The following SLIT3 variants were observed in gnomAD, a reference collection of about 807,000 sequenced individuals.
SLIT3 encodes slit homolog 3 protein.
SLIT3 carries 68 observed loss-of-function variants against 184.0 expected under a neutral mutation model. That is an observed-to-expected ratio of 0.37 (90% CI 0.30 to 0.45). The LOEUF (loss-of-function observed/expected upper bound fraction) is 0.45, where lower values mean the gene tolerates loss of function less well. Ranked by LOEUF, SLIT3 falls within the 20% of genes least tolerant of loss-of-function variation. The pLI, the probability that SLIT3 is intolerant of heterozygous loss-of-function variation, is 1.00. For missense variants in SLIT3, 1,707 were observed against 2,026.0 expected, an observed-to-expected ratio of 0.84 and a Z score of 3.02; for synonymous variants, 831 against 828.6, an observed-to-expected ratio of 1.00 and a Z score of -0.05.
At chr5:168,746,341 TG>T (rs1222097635) in intron 20 of SLIT3, among the ~76,000 whole-genome samples, 27 of 103,178 alleles carry the variant, frequency 2.6e-4, no homozygotes, top group African/African-American at 1.0e-3. Context: ...GTGAGTGTGG[TG>T]GTGTGGGTGT....
At chr5:168,838,902 G>A (rs62378535) in intron 6 of SLIT3, among the ~76,000 whole-genome samples, 6,484 of 152,158 alleles carry the variant, frequency 0.043, 270 homozygotes, top group African/African-American at 0.1. Context: ...CTCTCTAAAC[G>A]TGGGCTTGGT....
At chr5:169,191,244 T>A (rs1050169078) in intron 4 of SLIT3, among the ~76,000 whole-genome samples, 2 of 152,310 alleles carry the variant, frequency 1.3e-5, no homozygotes, top group Admixed American at 6.5e-5. Flanking sequence ...CATTTATTCA[T>A]CTAACCATTC....
intron 4 of SLIT3, among the ~76,000 whole-genome samples, chr5:169,015,100 G>A (rs1432769529): frequency 7.3e-6 from 1 of 137,856 alleles, no homozygotes; most frequent in East Asian, 2.8e-4. Flanking sequence ...CCAACTAACT[G>A]GACAAAAAAA....
intron 1 of SLIT3, among the ~76,000 whole-genome samples, chr5:169,268,173 G>A (rs1766463389): frequency 6.6e-6 from 1 of 152,192 alleles, no homozygotes; most frequent in Non-Finnish European, 1.5e-5. Flanking sequence ...GAAGGATGAT[G>A]CGAAGTAATC....
At chr5:168,991,404 G>A (rs1755322558) in intron 4 of SLIT3, among the ~76,000 whole-genome samples, 1 of 152,230 alleles carries the variant, frequency 6.6e-6, no homozygotes, top group South Asian at 2.1e-4. Flanking sequence ...GCCTGGCTGG[G>A]AAGCAGGTGG....
chr5:169,042,118 G>A (rs1004340229), intron 4 of SLIT3, among the ~76,000 whole-genome samples: 8 of 152,172 alleles, frequency 5.3e-5, no homozygotes, highest in African/African-American at 1.9e-4. Context: ...GGATATCGTA[G>A]AACGGTCCAG....
At chr5:168,844,542 C>T (rs1264824528) in intron 6 of SLIT3, 42 bp downstream of exon 6, 1 of 1,575,214 alleles carries the variant, frequency 6.3e-7, no homozygotes, top group East Asian at 2.2e-5. Flanking sequence ...CATACACACA[C>T]ATGCACGCAC....
intron 20 of SLIT3, among the ~76,000 whole-genome samples, chr5:168,728,845 A>ACC (rs955430559): frequency 1.3e-5 from 2 of 151,826 alleles, no homozygotes; most frequent in Non-Finnish European, 2.9e-5. Flanking sequence ...ATGAGCCTGG[A>ACC]AGGTCAAGGC....
At chr5:169,172,968 G>T (rs530679699) in intron 4 of SLIT3, among the ~76,000 whole-genome samples, 12 of 152,102 alleles carry the variant, frequency 7.9e-5, no homozygotes, top group Admixed American at 3.3e-4. Flanking sequence ...GAGGTGGAGA[G>T]ATGAGCAATG....
At chr5:168,722,405 A>G in intron 22 of SLIT3, 78 bp from the exon 23 acceptor site, 1 of 1,266,956 alleles carries the variant, frequency 7.9e-7, no homozygotes. Context: ...ACGTTGTGAA[A>G]CAAAGCAAAT....
At chr5:168,844,467 A>C (rs1758380171) in intron 6 of SLIT3, 117 bp downstream of exon 6, 1 of 885,350 alleles carries the variant, frequency 1.1e-6, no homozygotes, top group Non-Finnish European at 1.8e-6. Context: ...GAGACCAGAA[A>C]TGCATTCACA....
At chr5:168,962,706 C>T (rs1159669038) in intron 4 of SLIT3, among the ~76,000 whole-genome samples, 1 of 152,208 alleles carries the variant, frequency 6.6e-6, no homozygotes, top group Non-Finnish European at 1.5e-5. Context: ...TAGACCAACA[C>T]TCCCACACAT....
chr5:169,243,142 TAA>T (rs1165197921), intron 3 of SLIT3, among the ~76,000 whole-genome samples: 1 of 152,200 alleles, frequency 6.6e-6, no homozygotes, highest in Non-Finnish European at 1.5e-5. Flanking sequence ...AAATAGCATG[TAA>T]AACACTGGCA....
intron 1 of SLIT3, among the ~76,000 whole-genome samples, chr5:169,263,269 G>A (rs554135703): frequency 1.3e-5 from 2 of 152,254 alleles, no homozygotes; most frequent in African/African-American, 4.8e-5. Flanking sequence ...TTAAGCCCAG[G>A]GGGGCAGAGG....
chr5:169,262,505 A>G (rs1200566995), intron 1 of SLIT3, among the ~76,000 whole-genome samples: 2 of 152,144 alleles, frequency 1.3e-5, no homozygotes, highest in African/African-American at 4.8e-5. Context: ...ACCAAATGGG[A>G]TCACAGAGGC....
rs1274554863 is a variant in SLIT3 at position 169,300,668 on chromosome 5, G to T, written c.42C>A (p.Ala14=). ...GWAGVGAAVR[A]RLALALALAS... is the part of the protein sequence containing the mutation. ...CCAGCGCCAAGGCCAGCGCCAGGCGGGCGCGCACGGCGGCGCCGACCCCTG... is the reference window on the plus strand; with the variant it reads ...CCAGCGCCAAGGCCAGCGCCAGGCGTGCGCGCACGGCGGCGCCGACCCCTG... Residue 14 remains alanine (A), a synonymous_variant, in exon 1 of 36, where the codon GCC becomes GCA. Transcript: ENST00000519560. The surrounding 1 kb of genome is among the most constrained non-coding windows in gnomAD (Gnocchi z 4.1). 7.1e-7 allele frequency: 1 copy of T among 1,411,338 alleles called. No individual in the cohort carries two copies. The highest frequency in any genetic ancestry group is 9.2e-7 in the Non-Finnish European group (1 of 1,091,130). 87.4% of individuals were successfully genotyped at this position (1,411,338 alleles called of 1,614,324 possible).
In SLIT3 at chr5:168,749,619, G is replaced by T; in HGVS notation, c.1990C>A (p.Pro664Thr). 1 of 1,614,160 alleles carries T rather than the reference G, an allele frequency of 6.2e-7. No homozygotes were observed. Among genetic ancestry groups the T allele is most frequent in the Non-Finnish European group, 8.5e-7 (1 of 1,180,024 alleles). ...GCCAGGTGGCAGTTGCAGTTGAAGG[G>T]GTTGGACAGGAGGTTTCTAGGAAGA... ...SLSTINLLSN[P>T]FNCNCHLAWL... The change falls in exon 19 of 36, where the codon CCC becomes ACC. Residue 664 changes from proline to threonine, a missense_variant. Transcript: ENST00000519560.
At chr5:169,225,469 C>T (rs1428532194) in intron 3 of SLIT3, among the ~76,000 whole-genome samples, 7 of 152,216 alleles carry the variant, frequency 4.6e-5, no homozygotes, top group Admixed American at 2.0e-4. Flanking sequence ...GTGTGGGTTC[C>T]GGCCAGGCAC....
At chr5:168,997,862 C>T (rs1361756628) in intron 4 of SLIT3, among the ~76,000 whole-genome samples, 2 of 152,182 alleles carry the variant, frequency 1.3e-5, no homozygotes, top group African/African-American at 2.4e-5. Flanking sequence ...TGGCACTTCA[C>T]ATCCACCGCA....
Sources: allele counts gnomAD v4.1 joint callset (sites outside exome capture counted in the v4.1 genomes callset), GRCh38; gene constraint gnomAD v4.1.1; non-coding constraint Gnocchi (gnomAD v3.1); transcripts MANE v1.5; gene names NCBI Gene and HGNC (gene_info 2026-07-23, HGNC 2026-07-21).